Variants in ZNF592 observed in about 807,000 individuals in gnomAD.
ZNF592 encodes the protein spinocerebellar ataxia, autosomal recessive 5.
In ZNF592, 11 loss-of-function variants were observed where a neutral mutation model predicts 80.3. That is an observed-to-expected ratio of 0.14 (90% CI 0.09 to 0.23). ZNF592 has a LOEUF of 0.23. Among genes scored for constraint, ZNF592 ranks in the 10% least tolerant of loss-of-function variants. ZNF592 has a pLI of 1.00. For synonymous variants in ZNF592, 646 were observed against 640.3 expected (o/e 1.01, Z -0.13); for missense variants, 1,420 against 1,633.9 (o/e 0.87, Z 2.26).
intron 3 of ZNF592, among the ~76,000 whole-genome samples, chr15:84,781,003 C>T (rs1962404790): frequency 6.6e-6 from 1 of 151,550 alleles, no homozygotes; most frequent in Non-Finnish European, 1.5e-5. Context: ...AATAATTTTC[C>T]TTGTTGCTAT....
intron 4 of ZNF592, among the ~76,000 whole-genome samples, chr15:84,787,098 TG>T (rs1200022101): frequency 6.6e-6 from 1 of 152,100 alleles, no homozygotes; most frequent in African/African-American, 2.4e-5. Flanking sequence ...GTGATCCACC[TG>T]CCTCGGCCTC....
At position 84,796,284 on chromosome 15, in the gene ZNF592, TATATATATATAAAA is replaced by T. The variant is rs1567076403; in HGVS notation, c.2400-1583_2400-1570del. ...TATATATTTTATATATATATATATA[TATATATATATAAAA>T]AAACGAAGGGTAACATTCAGGAGTC... On this transcript the variant is annotated intron_variant, in intron 5 of 10. Transcript: ENST00000560079. Among the ~76,000 whole-genome samples, 157 of 52,646 alleles carry T rather than the reference TATATATATATAAAA, an allele frequency of 3.0e-3. 1 individual carries two copies. The highest frequency in any genetic ancestry group is 0.016 in the African/African-American group (145 of 8,948). The allele number at this position is 52,646 out of a possible 152,430, so 34.5% of individuals were successfully genotyped here.
chr15:84,798,897 T>TA lies in ZNF592; in HGVS notation c.3024+24dup. On this transcript the variant is annotated intron_variant, in intron 8 of 10. Transcript: ENST00000560079. This position sits in a 1 kb window ranked among gnomAD's most constrained non-coding sequence, Gnocchi z 4.5. ...TCGGGTAAGTGCAGCCACACAGTCA[T>TA]AATGCAGAGCCCAGTCCTCTGGACT... 2 of 1,598,128 alleles carry TA rather than the reference T, an allele frequency of 1.3e-6. No individual in the cohort carries two copies. Among genetic ancestry groups the TA allele is most frequent in the Non-Finnish European group, 1.7e-6 (2 of 1,179,426 alleles).
Position 84,748,633 on chromosome 15 carries a change from C to G in ZNF592, c.-290C>G, listed in dbSNP as rs1488008993. On this transcript the variant is annotated 5_prime_UTR_variant, in exon 1 of 11. Coordinates refer to ENST00000560079, the MANE Select transcript of ZNF592 (RefSeq NM_014630.3). ...GCGCTGGGGACGCGCGCGGCCGAGA[C>G]TCTGGCCTGCAGTCGCCGCCGCCGC... The G allele has an allele frequency of 2.7e-5, 4 of 147,632 alleles. No individual in the cohort carries two copies. Among genetic ancestry groups the G allele is most frequent in the African/African-American group, 9.8e-5 (4 of 40,802 alleles). 9.1% of individuals were successfully genotyped at this position (147,632 alleles called of 1,614,324 possible).
rs994700614 is a variant in ZNF592, at chr15:84,804,492, C to G, written c.*2099C>G. 1.3e-5 allele frequency: 2 copies of G among 152,172 alleles called. No homozygotes were observed. Among genetic ancestry groups the G allele is most frequent in the African/African-American group, 4.8e-5 (2 of 41,422 alleles). The allele number at this position is 152,172 out of a possible 1,614,324, so 9.4% of individuals were successfully genotyped here. ...GAGTTGGAAAAATGCTGAGCCAGTC[C>G]CTGGAAAACCTGGGTCCTGGCCTGG... On this transcript the variant is annotated 3_prime_UTR_variant, in exon 11 of 11. Transcript: ENST00000560079.
rs1269521866 is a variant in ZNF592, at chr15:84,806,026, A to G, written c.*3633A>G. 6.6e-6 allele frequency: 1 copy of G among 152,642 alleles called. No homozygotes were observed. The highest frequency in any genetic ancestry group is 1.5e-5 in the Non-Finnish European group (1 of 68,036). 9.5% of individuals were successfully genotyped at this position (152,642 alleles called of 1,614,324 possible). ...ATATAGTATTTTGGAGATTATTCCA[A>G]ATTCATACATTGGGTCAGAGTAATT... On this transcript the variant is annotated 3_prime_UTR_variant, in exon 11 of 11. Coordinates refer to ENST00000560079, the MANE Select transcript of ZNF592 (RefSeq NM_014630.3).
intron 1 of ZNF592, among the ~76,000 whole-genome samples, chr15:84,759,620 T>A (rs1022565217): frequency 6.6e-6 from 1 of 152,164 alleles, no homozygotes; most frequent in Non-Finnish European, 1.5e-5. Flanking sequence ...GGTCATACTC[T>A]TTAGTACATC....
chr15:84,799,800 C>T lies in ZNF592; in HGVS notation c.3138-42C>T, dbSNP rs527663451. The T allele has an allele frequency of 4.7e-5, 76 of 1,611,740 alleles. No individual in the cohort carries two copies. In the South Asian group the frequency reaches 6.0e-4, roughly 13 times the overall value. ...GTGTGAATAGCACTGAGGGAGCCTGCGGCCCGGGCACTTACCTGACCTCTC... is the reference window on the plus strand; with the variant it reads ...GTGTGAATAGCACTGAGGGAGCCTGTGGCCCGGGCACTTACCTGACCTCTC... On this transcript the variant is annotated intron_variant, in intron 9 of 10. Transcript: ENST00000560079. The surrounding 1 kb of genome is among the most constrained non-coding windows in gnomAD (Gnocchi z 4.2).
chr15:84,777,694 CTTTTTTTT>C (rs397854471), intron 2 of ZNF592, among the ~76,000 whole-genome samples: 52 of 98,426 alleles, frequency 5.3e-4, no homozygotes, highest in African/African-American at 1.7e-3. Context: ...TGTTGAGATA[CTTTTTTTT>C]TTTTTTTTTT....
At chr15:84,794,043 A>T (rs912259203) in intron 5 of ZNF592, among the ~76,000 whole-genome samples, 1 of 152,134 alleles carries the variant, frequency 6.6e-6, no homozygotes, top group Non-Finnish European at 1.5e-5. Flanking sequence ...TAGCTGGGTC[A>T]AATAGTAACT....
intron 5 of ZNF592, among the ~76,000 whole-genome samples, chr15:84,797,419 TACTC>T (rs1272365004): frequency 2.6e-5 from 4 of 152,350 alleles, no homozygotes; most frequent in Admixed American, 6.5e-5. Context: ...CATCCCTACT[TACTC>T]ATACCAGCCT....
chr15:84,788,422 A>G (rs548435151), intron 4 of ZNF592, among the ~76,000 whole-genome samples: 2 of 152,266 alleles, frequency 1.3e-5, no homozygotes, highest in African/African-American at 2.4e-5. Flanking sequence ...CGTGAGGGCT[A>G]TTTGGTTACT....
At chr15:84,768,626 T>C (rs1337121985) in intron 2 of ZNF592, among the ~76,000 whole-genome samples, 1 of 152,140 alleles carries the variant, frequency 6.6e-6, no homozygotes, top group African/African-American at 2.4e-5. Context: ...TTTCCTCTGG[T>C]GTCACACTGA....
At chr15:84,773,658 C>T (rs1276600613) in intron 2 of ZNF592, among the ~76,000 whole-genome samples, 1 of 152,018 alleles carries the variant, frequency 6.6e-6, no homozygotes, top group East Asian at 1.9e-4. Context: ...ATACTGCCCT[C>T]TTCTCTCTAG....
chr15:84,755,318 G>T (rs1209772082), intron 1 of ZNF592, among the ~76,000 whole-genome samples: 1 of 151,202 alleles, frequency 6.6e-6, no homozygotes, highest in Non-Finnish European at 1.5e-5. Context: ...ATTTTTTTAA[G>T]AGATGAGGTC....
Position 84,754,720 on chromosome 15 carries a change from A to G in ZNF592, c.-259+6056A>G, listed in dbSNP as rs113102231. ...CCCGTCTCTTAAAAAAAAAAAAAAA[A>G]AGAGAGGTAATGGTGGCTCCCTTTC... is the stretch of plus-strand genomic sequence containing the variant. On this transcript the variant is annotated intron_variant, in intron 1 of 10. Transcript: ENST00000560079. Among the ~76,000 whole-genome samples, 518 of 151,656 alleles carry G rather than the reference A, an allele frequency of 3.4e-3. 5 individuals are homozygous for G. The highest frequency in any genetic ancestry group is 0.012 in the African/African-American group (499 of 41,330).
intron 5 of ZNF592, among the ~76,000 whole-genome samples, chr15:84,793,355 G>C (rs1025902028): frequency 2.0e-5 from 3 of 152,200 alleles, no homozygotes; most frequent in Non-Finnish European, 4.4e-5. Flanking sequence ...GGGACTACAG[G>C]CATGAGCCAC....
intron 4 of ZNF592, among the ~76,000 whole-genome samples, chr15:84,789,366 T>C (rs2141992298): frequency 6.6e-6 from 1 of 152,342 alleles, no homozygotes; most frequent in East Asian, 1.9e-4. Context: ...ACTTCTTAGC[T>C]ATTGTGAATA....
At chr15:84,754,194 T>C (rs1370384015) in intron 1 of ZNF592, among the ~76,000 whole-genome samples, 1 of 152,238 alleles carries the variant, frequency 6.6e-6, no homozygotes, top group Non-Finnish European at 1.5e-5. Flanking sequence ...TGTCGTCCCC[T>C]GGTCACTGCG....
Sources: allele counts gnomAD v4.1 joint callset (sites outside exome capture counted in the v4.1 genomes callset), GRCh38; gene constraint gnomAD v4.1.1; non-coding constraint Gnocchi (gnomAD v3.1); transcripts MANE v1.5; gene names NCBI Gene and HGNC (gene_info 2026-07-23, HGNC 2026-07-21).